Variants in SH3D19 observed in about 807,000 individuals in gnomAD.
SH3D19 encodes SH3 domain-containing protein 19.
In SH3D19, 58 loss-of-function variants were observed where a neutral mutation model predicts 112.1. The observed-to-expected ratio is 0.52, with a 90% CI of 0.42 to 0.64. The LOEUF (loss-of-function observed/expected upper bound fraction) is 0.64. SH3D19 is among the 30% of genes least tolerant of loss of function. The pLI is 0.00. For missense variants in SH3D19, 1,090 were observed against 1,263.4 expected, an observed-to-expected ratio of 0.86 and a Z score of 2.08; for synonymous variants, 391 against 448.5, an observed-to-expected ratio of 0.87 and a Z score of 1.62.
chr4:151,143,995 T>G lies in SH3D19; in HGVS notation c.2138A>C (p.Gln713Pro). Reference sequence around the variant, plus strand: ...AACTCTGCCAGTGTCTTCTCCCTTTTGGCACTCCAAGTAATTATTTTCCGT... The same window carrying G: ...AACTCTGCCAGTGTCTTCTCCCTTTGGGCACTCCAAGTAATTATTTTCCGT... ...KQTENNYLECQKGEDTGRVHL... is the reference protein window; with the variant it reads ...KQTENNYLECPKGEDTGRVHL... The change falls in exon 12 of 20, where the codon CAA (glutamine) becomes CCA (proline). Residue 713 changes from glutamine to proline, a missense_variant. Physicochemically the swap from Gln to Pro is moderately conservative, Grantham distance 76. Coordinates refer to ENST00000604030, the MANE Select transcript of SH3D19 (RefSeq NM_001378122.1). 1 of 1,614,174 alleles carries G rather than the reference T, an allele frequency of 6.2e-7. No individual in the cohort carries two copies.
intron 12 of SH3D19, 200 bp from the exon 13 acceptor site, chr4:151,140,047 G>T: frequency 1.9e-6 from 1 of 520,124 alleles, no homozygotes; most frequent in Non-Finnish European, 3.4e-6. Flanking sequence ...GCTAAGGGAG[G>T]ATGAAAATCT....
chr4:151,179,206 C>A (rs1261985893), intron 4 of SH3D19, 149 bp downstream of exon 4: 2 of 433,282 alleles, frequency 4.6e-6, no homozygotes. Flanking sequence ...ATCTTTCAAA[C>A]TTATAAGTTA....
intron 2 of SH3D19, among the ~76,000 whole-genome samples, chr4:151,214,397 C>T (rs1241511056): frequency 1.1e-4 from 10 of 90,510 alleles, no homozygotes; most frequent in Non-Finnish European, 2.0e-4. Context: ...ACCTCCCAGA[C>T]GGGGTGGTGG....
intron 1 of SH3D19, among the ~76,000 whole-genome samples, chr4:151,253,878 C>T (rs145625292): frequency 4.4e-4 from 67 of 152,298 alleles, no homozygotes; most frequent in African/African-American, 1.6e-3. Context: ...TTCTAGAAAA[C>T]GGTCCCTGGC....
At chr4:151,289,494 C>T (rs1240914435) in intron 1 of SH3D19, among the ~76,000 whole-genome samples, 6 of 152,066 alleles carry the variant, frequency 3.9e-5, no homozygotes, top group Non-Finnish European at 4.4e-5. Context: ...GGATCTGTAT[C>T]TAGAAAAAAG....
At chr4:151,147,331 ACC>A (rs1270504370) in intron 11 of SH3D19, among the ~76,000 whole-genome samples, 3 of 152,196 alleles carry the variant, frequency 2.0e-5, no homozygotes, top group African/African-American at 7.2e-5. Flanking sequence ...CATTAGTATA[ACC>A]CACTGGGTCA....
intron 1 of SH3D19, among the ~76,000 whole-genome samples, chr4:151,227,030 AC>A (rs1220299712): frequency 6.6e-6 from 1 of 152,238 alleles, no homozygotes; most frequent in Non-Finnish European, 1.5e-5. Context: ...GAAGCAATAT[AC>A]AAACCACAAT....
chr4:151,168,124 C>A (rs1322293449), intron 7 of SH3D19, among the ~76,000 whole-genome samples: 1 of 152,088 alleles, frequency 6.6e-6, no homozygotes, highest in South Asian at 2.1e-4. Flanking sequence ...GCAGGAAGAT[C>A]GAGACAAGAA....
chr4:151,270,139 A>C (rs1773133245), intron 1 of SH3D19, among the ~76,000 whole-genome samples: 1 of 152,172 alleles, frequency 6.6e-6, no homozygotes, highest in African/African-American at 2.4e-5. Flanking sequence ...TAAAGAAGTA[A>C]CATACTCATT....
intron 2 of SH3D19, among the ~76,000 whole-genome samples, chr4:151,211,029 CA>C (rs1180824780): frequency 6.6e-6 from 1 of 152,026 alleles, no homozygotes; most frequent in Non-Finnish European, 1.5e-5. Flanking sequence ...GTCTCTACTA[CA>C]AATATCTGAC....
intron 3 of SH3D19, among the ~76,000 whole-genome samples, chr4:151,183,308 G>A (rs1207067517): frequency 2.0e-5 from 3 of 152,042 alleles, no homozygotes; most frequent in Admixed American, 6.6e-5. Flanking sequence ...CAAACTTTTC[G>A]AGTTCAAGTG....
At chr4:151,308,086 A>T (rs1729096676) in intron 1 of SH3D19, among the ~76,000 whole-genome samples, 1 of 152,108 alleles carries the variant, frequency 6.6e-6, no homozygotes. Context: ...TTGTATTTTT[A>T]GTAGAGATGG....
At position 151,187,852 on chromosome 4, in the gene SH3D19, A is replaced by C. The variant is rs1428831387; in HGVS notation, c.153-389T>G. Among the ~76,000 whole-genome samples the C allele has an allele frequency of 2.0e-5, 3 of 152,216 alleles. No homozygotes were observed. The East Asian group carries it at 5.8e-4, about 29-fold the overall frequency. On this transcript the variant is annotated intron_variant, in intron 2 of 19. Transcript: ENST00000604030. ...ATCTTCATATATCACATCAAAGTACATAATCTATATAGTCAATTTGACCTA... is the reference window on the plus strand; with the variant it reads ...ATCTTCATATATCACATCAAAGTACCTAATCTATATAGTCAATTTGACCTA...
At chr4:151,263,891 G>A (rs60766467) in intron 1 of SH3D19, among the ~76,000 whole-genome samples, 4,160 of 152,108 alleles carry the variant, frequency 0.027, 178 homozygotes, top group African/African-American at 0.091. Flanking sequence ...CTGCAGCCTC[G>A]ACCACCTGGG....
intron 2 of SH3D19, among the ~76,000 whole-genome samples, chr4:151,193,041 T>C (rs1762883458): frequency 6.6e-6 from 1 of 152,154 alleles, no homozygotes; most frequent in Non-Finnish European, 1.5e-5. Context: ...GAATGTGTCA[T>C]GTAACATGTG....
chr4:151,296,385 T>C (rs561695332), intron 1 of SH3D19, among the ~76,000 whole-genome samples: 2 of 152,220 alleles, frequency 1.3e-5, no homozygotes, highest in Non-Finnish European at 2.9e-5. Context: ...TGGTAACACA[T>C]TACTGGAGGG....
chr4:151,215,727 C>G (rs1466941927), intron 2 of SH3D19, among the ~76,000 whole-genome samples: 1 of 152,162 alleles, frequency 6.6e-6, no homozygotes, highest in African/African-American at 2.4e-5. Context: ...AATGAATGCT[C>G]TGATTTATTA....
chr4:151,226,440 C>T, intron 1 of SH3D19: 1 of 1,000,734 alleles, frequency 1.0e-6, no homozygotes, highest in Non-Finnish European at 1.2e-6. Context: ...GATTACTCAG[C>T]TCAAAAAAAT....
Position 151,220,416 on chromosome 4 carries a change from G to A in SH3D19, c.152+5631C>T, listed in dbSNP as rs553288378. ...TAGATTTAAGGTTCTTTGTTTTGCCGCCTTCTTTTTTTGCTGCTGTAAAAT... is the reference window on the plus strand; with the variant it reads ...TAGATTTAAGGTTCTTTGTTTTGCCACCTTCTTTTTTTGCTGCTGTAAAAT... On this transcript the variant is annotated intron_variant, in intron 2 of 19. Transcript: ENST00000604030. 3.0e-3 allele frequency among the ~76,000 whole-genome samples: 456 copies of A among 152,182 alleles called. 1 individual carries two copies. The highest frequency in any genetic ancestry group is 6.8e-3 in the Middle Eastern group (2 of 294).
Sources: allele counts gnomAD v4.1 joint callset (sites outside exome capture counted in the v4.1 genomes callset), GRCh38; gene constraint gnomAD v4.1.1; transcripts MANE v1.5; gene names NCBI Gene and HGNC (gene_info 2026-07-23, HGNC 2026-07-21).